ARL5A: variants seen among roughly 807,000 people sequenced by gnomAD.
The protein encoded by ARL5A is ADP-ribosylation factor-like protein 5A.
In ARL5A, 18 loss-of-function variants were observed where a neutral mutation model predicts 25.9. The observed-to-expected ratio is 0.69, with a 90% confidence interval of 0.48 to 1.03. The LOEUF (loss-of-function observed/expected upper bound fraction) is 1.03, where lower values mean the gene tolerates loss of function less well. Among genes scored for constraint, ARL5A ranks in the 50% least tolerant of loss-of-function variants. The pLI, the probability that ARL5A is intolerant of heterozygous loss-of-function variation, is 0.00. For missense variants in ARL5A, 170 were observed against 211.9 expected (o/e 0.80, Z 1.23); for synonymous variants, 61 against 67.5 (o/e 0.90, Z 0.47).
At chr2:151,813,480 T>C (rs897227787) in intron 3 of ARL5A, among the ~76,000 whole-genome samples, 1 of 152,204 alleles carries the variant, frequency 6.6e-6, no homozygotes, top group Non-Finnish European at 1.5e-5. Flanking sequence ...TAACTTCCCT[T>C]ATTAAAAAAT....
intron 1 of ARL5A, among the ~76,000 whole-genome samples, chr2:151,823,599 C>T (rs776146453): frequency 1.3e-5 from 2 of 152,102 alleles, no homozygotes; most frequent in Non-Finnish European, 2.9e-5. Flanking sequence ...ATTTAAGAAG[C>T]ACTCACTATC....
chr2:151,828,314 G>C lies in ARL5A; in HGVS notation c.-138C>G, dbSNP rs2099833379. 4.2e-6 allele frequency: 3 copies of C among 713,106 alleles called. No individual in the cohort carries two copies. The highest frequency in any genetic ancestry group is 6.6e-6 in the Non-Finnish European group (3 of 454,704). 44.2% of individuals were successfully genotyped at this position (713,106 alleles called of 1,614,324 possible). ...CGCGCTGGTCGCGGGCCCGCTTCCA[G>C]GGAACCGGAGGGAGGCCGAAGCCCA... is the stretch of plus-strand genomic sequence containing the variant. On this transcript the variant is annotated 5_prime_UTR_variant, in exon 1 of 6. Coordinates refer to ENST00000295087, the MANE Select transcript of ARL5A (RefSeq NM_012097.4).
In ARL5A at chr2:151,802,604, C is replaced by CT. The variant is rs547481913; in HGVS notation, c.*671dup. On this transcript the variant is annotated 3_prime_UTR_variant, in exon 6 of 6. Transcript: ENST00000295087. ...CACAATGTCATGCTTTTTCCTTTTC[C>CT]TTTTTTTTTTTTTTAAACAAGCAGC... 2.7e-3 allele frequency: 385 copies of CT among 141,902 alleles called. 3 individuals carry two copies. The highest frequency in any genetic ancestry group is 6.8e-3 in the African/African-American group (265 of 38,792). The allele number at this position is 141,902 out of a possible 1,614,324, so 8.8% of individuals were successfully genotyped here. A position where few individuals can be genotyped will look rare whatever the true frequency, so the allele number is the denominator to read the frequency against.
rs2099831204 is a variant in ARL5A, at chr2:151,814,232, C to T, written c.192G>A (p.Met64Ile). Residue 64 changes from methionine to isoleucine, a missense_variant, in exon 3 of 6, where the codon ATG becomes ATA. Transcript: ENST00000295087. ...EIVINNTRFL[M>I]WDIGGQESLR... ...GAGATTCTTGGCCACCAATATCCCA[C>T]ATTAGGAAACGTGTATTATTAATCA... 6.2e-7 allele frequency: 1 copy of T among 1,608,332 alleles called. No individual in the cohort carries two copies. Among genetic ancestry groups the T allele is most frequent in the Non-Finnish European group, 8.5e-7 (1 of 1,177,946 alleles).
chr2:151,806,797 A>T, intron 5 of ARL5A, 24 bp downstream of exon 5: 1 of 1,581,588 alleles, frequency 6.3e-7, no homozygotes, highest in Non-Finnish European at 8.5e-7. Flanking sequence ...ATGTTCGATA[A>T]CATTTAAGAG....
chr2:151,799,599 T>A lies in ARL5A; in HGVS notation c.*3677A>T, dbSNP rs1410685332. 6.6e-6 allele frequency: 1 copy of A among 152,156 alleles called. No individual in the cohort carries two copies. Among genetic ancestry groups the A allele is most frequent in the East Asian group, 1.9e-4 (1 of 5,194 alleles). 9.4% of individuals were successfully genotyped at this position (152,156 alleles called of 1,614,324 possible). A position where few individuals can be genotyped will look rare whatever the true frequency, so the allele number is the denominator to read the frequency against. On this transcript the variant is annotated 3_prime_UTR_variant, in exon 6 of 6. Transcript: ENST00000295087. ...CTTTCTGAATCTACTTCCCAACATG[T>A]GAAGTTAAATTAAGAAGCATGAAAA...
chr2:151,805,220 G>GT (rs36040248), intron 5 of ARL5A, among the ~76,000 whole-genome samples: 107,715 of 150,778 alleles, frequency 0.71, 43,153 homozygotes, highest in Non-Finnish European at 0.88. Flanking sequence ...TTAATGAACA[G>GT]TTTTTTTTTA....
At chr2:151,825,882 T>G (rs768288988) in intron 1 of ARL5A, among the ~76,000 whole-genome samples, 7 of 151,794 alleles carry the variant, frequency 4.6e-5, no homozygotes, top group African/African-American at 7.2e-5. Flanking sequence ...CCCAGCACTT[T>G]GGGAGCCCAA....
chr2:151,827,719 G>A lies in ARL5A; in HGVS notation c.46+412C>T, dbSNP rs150040347. ...TCGGTCGCTCAGTGGTGCGGTTAGG[G>A]CAGCAATCTATAACCTTCATTCCAG... On this transcript the variant is annotated intron_variant, in intron 1 of 5. Coordinates refer to ENST00000295087, the MANE Select transcript of ARL5A (RefSeq NM_012097.4). 5.7e-3 allele frequency: 1,043 copies of A among 182,030 alleles called. 9 individuals carry two copies. Among genetic ancestry groups the A allele is most frequent in the African/African-American group, 0.024 (991 of 41,944 alleles). The allele number at this position is 182,030 out of a possible 1,614,324, so 11.3% of individuals were successfully genotyped here.
intron 1 of ARL5A, among the ~76,000 whole-genome samples, chr2:151,818,801 T>C: frequency 6.6e-6 from 1 of 152,230 alleles, no homozygotes; most frequent in East Asian, 1.9e-4. Context: ...CTAGAATTCA[T>C]TATCAGGCTA....
At chr2:151,822,902 A>T (rs530671554) in intron 1 of ARL5A, among the ~76,000 whole-genome samples, 1 of 152,306 alleles carries the variant, frequency 6.6e-6, no homozygotes, top group African/African-American at 2.4e-5. Flanking sequence ...CTTTTGACAC[A>T]GGCAGTCTAC....
In ARL5A at chr2:151,803,139, T is replaced by G; in HGVS notation, c.*137A>C. 1 of 573,214 alleles carries G rather than the reference T, an allele frequency of 1.7e-6. No individual in the cohort carries two copies. Among genetic ancestry groups the G allele is most frequent in the Non-Finnish European group, 3.0e-6 (1 of 328,878 alleles). 35.5% of individuals were successfully genotyped at this position (573,214 alleles called of 1,614,324 possible). A position where few individuals can be genotyped will look rare whatever the true frequency, so the allele number is the denominator to read the frequency against. ...GACTTCATCTTTGTTTTCAAATAAGTGGTCTTAATTTTTCTTCTTATAGAA... is the reference window on the plus strand; with the variant it reads ...GACTTCATCTTTGTTTTCAAATAAGGGGTCTTAATTTTTCTTCTTATAGAA... On this transcript the variant is annotated 3_prime_UTR_variant, in exon 6 of 6. Transcript: ENST00000295087.
chr2:151,804,898 A>T (rs1257816454), intron 5 of ARL5A, among the ~76,000 whole-genome samples: 5 of 152,202 alleles, frequency 3.3e-5, no homozygotes, highest in Admixed American at 2.6e-4. Context: ...TGAACTATAA[A>T]AGAAAAACAG....
chr2:151,805,656 C>G lies in ARL5A; in HGVS notation c.491+1165G>C, dbSNP rs1049841387. 1.3e-5 allele frequency among the ~76,000 whole-genome samples: 2 copies of G among 152,114 alleles called. 1 individual carries two copies. The highest frequency in any genetic ancestry group is 4.1e-4 in the South Asian group (2 of 4,832). ...CAACCTGTTGCTCCCAGGCTACACA[C>G]CTATACAGCATGTTACTGTACTAAA... On this transcript the variant is annotated intron_variant, in intron 5 of 5. Transcript: ENST00000295087.
Position 151,807,004 on chromosome 2 carries a change from T to A in ARL5A, c.340-32A>T. On this transcript the variant is annotated intron_variant, in intron 4 of 5. Coordinates refer to ENST00000295087, the MANE Select transcript of ARL5A (RefSeq NM_012097.4). ...AAGCAAATAAAACTGTAAAGGCCAA[T>A]ACATTTTCCACATATTTTTCAACTT... 3 of 1,546,828 alleles carry A rather than the reference T, an allele frequency of 1.9e-6. No individual in the cohort carries two copies. In the African/African-American group the frequency reaches 4.2e-5, roughly 22 times the overall value.
rs749681744 is a variant in ARL5A, at chr2:151,803,154, T to C, written c.*122A>G. 4.9e-6 allele frequency: 3 copies of C among 617,442 alleles called. No individual in the cohort carries two copies. Among genetic ancestry groups the C allele is most frequent in the Non-Finnish European group, 8.1e-6 (3 of 370,280 alleles). 38.2% of individuals were successfully genotyped at this position (617,442 alleles called of 1,614,324 possible). A position where few individuals can be genotyped will look rare whatever the true frequency, so the allele number is the denominator to read the frequency against. On this transcript the variant is annotated 3_prime_UTR_variant, in exon 6 of 6. Transcript: ENST00000295087. ...TTCAAATAAGTGGTCTTAATTTTTC[T>C]TCTTATAGAAAAAGTTTAAATCAGT...
chr2:151,821,769 G>A (rs1046924690), intron 1 of ARL5A, among the ~76,000 whole-genome samples: 4 of 143,100 alleles, frequency 2.8e-5, no homozygotes, highest in Non-Finnish European at 6.0e-5. Context: ...TACCATGCCC[G>A]GCTTTCTTTT....
intron 4 of ARL5A, among the ~76,000 whole-genome samples, chr2:151,808,429 T>C (rs557007863): frequency 3.1e-4 from 47 of 149,352 alleles, no homozygotes; most frequent in African/African-American, 1.1e-3. Context: ...GTAGTATATT[T>C]GTATTTCTTA....
At chr2:151,822,125 G>C (rs2099832422) in intron 1 of ARL5A, among the ~76,000 whole-genome samples, 1 of 152,140 alleles carries the variant, frequency 6.6e-6, no homozygotes, top group South Asian at 2.1e-4. Flanking sequence ...TGGGATTACA[G>C]GTGTGAACCA....
Sources: allele counts gnomAD v4.1 joint callset (sites outside exome capture counted in the v4.1 genomes callset), GRCh38; gene constraint gnomAD v4.1.1; transcripts MANE v1.5; gene names NCBI Gene and HGNC (gene_info 2026-07-23, HGNC 2026-07-21).